ANKS1A: variants seen among roughly 807,000 people sequenced by gnomAD.
The protein encoded by ANKS1A is ankyrin repeat and SAM domain-containing protein 1A.
ANKS1A carries 55 observed loss-of-function variants against 120.3 expected under a neutral mutation model. The observed-to-expected ratio is 0.46, with a 90% CI of 0.37 to 0.57. The LOEUF (loss-of-function observed/expected upper bound fraction) is 0.57. ANKS1A is among the 20% of genes least tolerant of loss of function. The probability of loss-of-function intolerance (pLI) is 0.00; values close to 1 mark genes in which losing one functional copy is unlikely to be tolerated. For missense variants in ANKS1A, 1,123 were observed against 1,480.3 expected (o/e 0.76, Z 3.96); for synonymous variants, 590 against 604.7 (o/e 0.98, Z 0.36).
intron 1 of ANKS1A, among the ~76,000 whole-genome samples, chr6:34,939,584 A>G (rs955957363): frequency 2.0e-5 from 3 of 152,182 alleles, no homozygotes; most frequent in Non-Finnish European, 4.4e-5. Context: ...ACAGTGGCTT[A>G]TGCCTGTAAT....
intron 10 of ANKS1A, among the ~76,000 whole-genome samples, chr6:35,013,973 G>T (rs1293077510): frequency 6.6e-6 from 1 of 152,180 alleles, no homozygotes; most frequent in Admixed American, 6.5e-5. Context: ...GCTAGACACG[G>T]TTCTTAATGC....
In ANKS1A at chr6:34,889,541, AGCGGCG is replaced by A. The variant is rs750989331; in HGVS notation, c.154_159del (p.Gly52_Gly53del). On this transcript the variant is annotated inframe_deletion, in exon 1 of 24. Coordinates refer to ENST00000360359, the MANE Select transcript of ANKS1A (RefSeq NM_015245.3). The surrounding 1 kb of genome is among the most constrained non-coding windows in gnomAD (Gnocchi z 5.5). ...TGGCTCTGGGGGCGGCGGCGGCGGC[AGCGGCG>A]GCGGCGGCGGCGGCCTCGGCTCTTC... 7 of 1,200,406 alleles carry A rather than the reference AGCGGCG, an allele frequency of 5.8e-6. No homozygotes were observed. The highest frequency in any genetic ancestry group is 4.0e-5 in the South Asian group (1 of 24,866). The allele number at this position is 1,200,406 out of a possible 1,614,324, so 74.4% of individuals were successfully genotyped here. A position where few individuals can be genotyped will look rare whatever the true frequency, so the allele number is the denominator to read the frequency against.
chr6:35,033,465 A>G (rs1775001584), intron 11 of ANKS1A, among the ~76,000 whole-genome samples: 1 of 152,210 alleles, frequency 6.6e-6, no homozygotes, highest in African/African-American at 2.4e-5. Flanking sequence ...CCATTTTTTA[A>G]GAATCAAAAA....
chr6:34,904,089 G>A (rs767764583), intron 1 of ANKS1A, among the ~76,000 whole-genome samples: 5 of 152,238 alleles, frequency 3.3e-5, no homozygotes, highest in East Asian at 1.9e-4. Flanking sequence ...TTGATTCTAG[G>A]ACCCCTCGAA....
chr6:35,007,102 T>C (rs1273636076), intron 10 of ANKS1A, among the ~76,000 whole-genome samples: 1 of 152,190 alleles, frequency 6.6e-6, no homozygotes, highest in Non-Finnish European at 1.5e-5. Flanking sequence ...GTTGCTGCCA[T>C]CCCCTGGGAG....
chr6:34,960,707 G>A (rs1307160094), intron 1 of ANKS1A, among the ~76,000 whole-genome samples: 2 of 152,164 alleles, frequency 1.3e-5, no homozygotes, highest in East Asian at 1.9e-4. Context: ...AGGTGCCGCC[G>A]AGGTGCATAG....
At chr6:35,059,598 G>A (rs370546322) in intron 12 of ANKS1A, among the ~76,000 whole-genome samples, 3 of 152,188 alleles carry the variant, frequency 2.0e-5, no homozygotes, top group Non-Finnish European at 4.4e-5. Flanking sequence ...TCCCTCAGCT[G>A]CATGAAGATG....
chr6:34,901,401 C>T (rs1767343428), intron 1 of ANKS1A, among the ~76,000 whole-genome samples: 1 of 152,082 alleles, frequency 6.6e-6, no homozygotes, highest in South Asian at 2.1e-4. Flanking sequence ...TTCCATAATC[C>T]TTGGTACTTT....
At chr6:35,020,857 C>G (rs935395255) in intron 11 of ANKS1A, among the ~76,000 whole-genome samples, 6 of 152,170 alleles carry the variant, frequency 3.9e-5, no homozygotes, top group Non-Finnish European at 7.3e-5. Context: ...TATCCAAGAT[C>G]TAGGTGCTGT....
chr6:35,091,564 A>ACTCT (rs1240849328), downstream of ANKS1A, among the ~76,000 whole-genome samples: 3 of 152,016 alleles, frequency 2.0e-5, no homozygotes, highest in African/African-American at 7.3e-5. Flanking sequence ...TCTGTCTCGC[A>ACTCT]CTCTCTAACA....
At position 34,985,083 on chromosome 6, in the gene ANKS1A, T is replaced by G; in HGVS notation, c.1014T>G (p.Gly338=). Reference sequence around the variant, plus strand: ...TCTTGCCCTCCATCCTCCTCTCAGGTGACGTGGAGAAAGCAGTGACTGAAC... The same window carrying G: ...TCTTGCCCTCCATCCTCCTCTCAGGGGACGTGGAGAAAGCAGTGACTGAAC... ...SMDSISQKSQ[G]DVEKAVTELI... Residue 338 remains glycine, a splice_region_variant and synonymous_variant, in exon 8 of 24, where the codon GGT becomes GGG. Transcript: ENST00000360359. 1 of 1,612,160 alleles carries G rather than the reference T, an allele frequency of 6.2e-7. No individual in the cohort carries two copies. Among genetic ancestry groups the G allele is most frequent in the Non-Finnish European group, 8.5e-7 (1 of 1,178,826 alleles).
At chr6:35,042,006 G>GGT in intron 11 of ANKS1A, among the ~76,000 whole-genome samples, 1 of 152,334 alleles carries the variant, frequency 6.6e-6, no homozygotes, top group East Asian at 1.9e-4. Flanking sequence ...AATTCAGGAT[G>GGT]GTGGTGGCCT....
At chr6:35,096,168 T>C (rs1778465163), downstream of ANKS1A, among the ~76,000 whole-genome samples, 1 of 152,200 alleles carries the variant, frequency 6.6e-6, no homozygotes, top group South Asian at 2.1e-4. Flanking sequence ...GAGTTGCCTT[T>C]TCCAGCCAGG....
intron 8 of ANKS1A, among the ~76,000 whole-genome samples, chr6:34,986,659 G>A (rs1264285129): frequency 6.6e-6 from 1 of 152,130 alleles, no homozygotes. Flanking sequence ...TTTTCATTAG[G>A]CTCTTTGCTG....
chr6:34,994,159 A>G (rs986205445), intron 9 of ANKS1A, 143 bp from the exon 10 acceptor site: 1 of 1,087,530 alleles, frequency 9.2e-7, no homozygotes, highest in Non-Finnish European at 1.3e-6. Context: ...TTGTGATTCT[A>G]TGTGACACTT....
intron 13 of ANKS1A, among the ~76,000 whole-genome samples, chr6:35,065,213 C>A (rs556742701): frequency 1.5e-4 from 20 of 136,294 alleles, no homozygotes; most frequent in East Asian, 2.9e-4. Context: ...TCTTGCCCCC[C>A]CTCCCTTTCA....
chr6:34,971,394 T>G (rs995669429), intron 3 of ANKS1A, among the ~76,000 whole-genome samples: 1 of 152,060 alleles, frequency 6.6e-6, no homozygotes, highest in Non-Finnish European at 1.5e-5. Context: ...ATGCAAGTTT[T>G]AAACAAGCCT....
chr6:34,921,784 A>C (rs1768444294), intron 1 of ANKS1A, among the ~76,000 whole-genome samples: 1 of 152,198 alleles, frequency 6.6e-6, no homozygotes, highest in South Asian at 2.1e-4. Context: ...TGCAGCCTCG[A>C]ACTCCTGGGC....
In ANKS1A at chr6:35,060,976, A is replaced by C. The variant is rs1210026034; in HGVS notation, c.2184+723A>C. Among the ~76,000 whole-genome samples the C allele has an allele frequency of 6.6e-6, 1 of 152,184 alleles. No individual in the cohort carries two copies. The highest frequency in any genetic ancestry group is 6.5e-5 in the Admixed American group (1 of 15,274). ...TGGAAGCCCTTCTAGAGGCATCTGC[A>C]TGCGCCGGGCCTGCTTCCAGGAGCA... On this transcript the variant is annotated intron_variant, in intron 13 of 23. Transcript: ENST00000360359. This position sits in a 1 kb window ranked among gnomAD's most constrained non-coding sequence, Gnocchi z 4.5.
Sources: allele counts gnomAD v4.1 joint callset (sites outside exome capture counted in the v4.1 genomes callset), GRCh38; gene constraint gnomAD v4.1.1; non-coding constraint Gnocchi (gnomAD v3.1); transcripts MANE v1.5; gene names NCBI Gene and HGNC (gene_info 2026-07-23, HGNC 2026-07-21).